Variants in CHLSN observed in about 807,000 individuals in gnomAD.
CHLSN encodes the protein cholesin.
chr7:1,107,732 G>A, the CHLSN span, among the ~76,000 whole-genome samples: 3 of 152,232 alleles, frequency 2.0e-5, no homozygotes, highest in Non-Finnish European at 4.4e-5. Context: ...AGACCTTCCT[G>A]CACTGGAGCC....
At chr7:1,080,585 C>T in the CHLSN span, among the ~76,000 whole-genome samples, 12 of 152,364 alleles carry the variant, frequency 7.9e-5, no homozygotes, top group East Asian at 1.9e-4. Context: ...ACGGTTTGTG[C>T]GCTGCCTGCG....
chr7:1,055,674 G>C, the CHLSN span, among the ~76,000 whole-genome samples: 1 of 152,156 alleles, frequency 6.6e-6, no homozygotes, highest in East Asian at 1.9e-4. Context: ...CACACTGAGG[G>C]GTCCCGGCCC....
the CHLSN span, among the ~76,000 whole-genome samples, chr7:1,049,150 C>A: frequency 4.6e-5 from 7 of 152,242 alleles, no homozygotes; most frequent in East Asian, 1.9e-4. Context: ...CGTTGGCCAG[C>A]AGTGTGGGGT....
chr7:989,557 A>C, the CHLSN span: 25,363 of 152,976 alleles, frequency 0.17, 2,236 homozygotes, highest in Admixed American at 0.23. Context: ...GAGGCAGGCG[A>C]ATCACGAGGT....
the CHLSN span, among the ~76,000 whole-genome samples, chr7:1,014,484 C>A: frequency 6.6e-6 from 1 of 152,248 alleles, no homozygotes; most frequent in African/African-American, 2.4e-5. Flanking sequence ...TGCTCCCCAG[C>A]GTGAGGCTTC....
the CHLSN span, among the ~76,000 whole-genome samples, chr7:1,075,326 C>T: frequency 6.6e-6 from 1 of 152,084 alleles, no homozygotes; most frequent in Admixed American, 6.5e-5. Flanking sequence ...GCCTCTTCAA[C>T]ATGGTAAAAT....
the CHLSN span, chr7:1,076,034 G>C: frequency 6.6e-6 from 1 of 152,476 alleles, no homozygotes; most frequent in Non-Finnish European, 1.5e-5. Context: ...CACCAAGCCA[G>C]GACAGGCCCA....
chr7:1,038,527 G>C, the CHLSN span, among the ~76,000 whole-genome samples: 47 of 110,426 alleles, frequency 4.3e-4, no homozygotes, highest in African/African-American at 1.5e-3. Flanking sequence ...CCGGGAGGGA[G>C]GTGGGGGGGT....
chr7:1,056,078 G>A, the CHLSN span: 246 of 153,648 alleles, frequency 1.6e-3, 1 homozygote, highest in Non-Finnish European at 2.1e-3. Flanking sequence ...CCCCCTCACC[G>A]GCCCCCGCCA....
the CHLSN span, among the ~76,000 whole-genome samples, chr7:1,010,946 C>T: frequency 3.3e-5 from 5 of 152,002 alleles, no homozygotes; most frequent in South Asian, 2.1e-4. Flanking sequence ...AACCAGGCAG[C>T]GCCCACCGGG....
chr7:1,109,484 T>C, the CHLSN span: 9 of 152,324 alleles, frequency 5.9e-5, no homozygotes, highest in East Asian at 1.7e-3. Flanking sequence ...AAAAAACTCT[T>C]TCACTGCTCA....
the CHLSN span, among the ~76,000 whole-genome samples, chr7:1,101,711 C>G: frequency 1.3e-5 from 2 of 152,270 alleles, no homozygotes; most frequent in African/African-American, 4.8e-5. Flanking sequence ...AGCACGGCCA[C>G]GGCAGCCTGA....
the CHLSN span, among the ~76,000 whole-genome samples, chr7:1,098,132 G>T: frequency 3.3e-5 from 5 of 152,180 alleles, no homozygotes. Flanking sequence ...CTCTTAGGAA[G>T]CCCACACTGG....
the CHLSN span, among the ~76,000 whole-genome samples, chr7:1,048,796 C>G: frequency 4.6e-5 from 7 of 152,188 alleles, no homozygotes; most frequent in Admixed American, 1.3e-4. Context: ...CACATGGGCT[C>G]CAGACATTTT....
chr7:983,959 CG>C, the CHLSN span, among the ~76,000 whole-genome samples: 2 of 152,148 alleles, frequency 1.3e-5, no homozygotes, highest in Non-Finnish European at 2.9e-5. Context: ...CAGTCAGGCC[CG>C]GGCCCTGCCT....
At chr7:1,001,170 T>A in the CHLSN span, among the ~76,000 whole-genome samples, 81 of 152,258 alleles carry the variant, frequency 5.3e-4, no homozygotes, top group African/African-American at 1.9e-3. Flanking sequence ...AGAGACCTCC[T>A]CCCAGATACG....
At chr7:1,009,199 G>A in the CHLSN span, among the ~76,000 whole-genome samples, 2 of 152,274 alleles carry the variant, frequency 1.3e-5, no homozygotes, top group African/African-American at 4.8e-5. Context: ...GTCCTCCCAG[G>A]CAGGGCCAGT....
chr7:1,013,882 G>C, the CHLSN span, among the ~76,000 whole-genome samples: 1 of 152,238 alleles, frequency 6.6e-6, no homozygotes, highest in Non-Finnish European at 1.5e-5. Context: ...CACACATTCT[G>C]TCTCCTGCGG....
the CHLSN span, chr7:1,057,497 C>T: frequency 7.0e-4 from 526 of 753,264 alleles, 2 homozygotes; most frequent in East Asian, 3.2e-3. Context: ...CGCAGGGTCG[C>T]GGAGCCTCGC....
Sources: gnomAD v4.1 joint callset for allele counts (sites outside exome capture counted in the v4.1 genomes callset) on GRCh38, gnomAD v4.1.1 for gene constraint, MANE v1.5 for transcripts, NCBI Gene and HGNC (gene_info 2026-07-23, HGNC 2026-07-21) for gene names.